Variants in NRXN3 observed in about 807,000 individuals in gnomAD.
NRXN3 encodes the protein neurexin 3.
Under a neutral mutation model 137.6 loss-of-function variants are expected in NRXN3, and 32 were observed. The observed-to-expected ratio is 0.23, with a 90% CI of 0.18 to 0.31. NRXN3 has a LOEUF of 0.31. Among genes scored for constraint, NRXN3 ranks in the 10% least tolerant of loss-of-function variants. The probability of loss-of-function intolerance (pLI) is 1.00; values close to 1 mark genes in which losing one functional copy is unlikely to be tolerated. For missense variants in NRXN3, 1,574 were observed against 2,062.5 expected (o/e 0.76, Z 4.59); for synonymous variants, 798 against 784.5 (o/e 1.02, Z -0.29).
chr14:78,880,992 C>CTGTTCTCA (rs1226881775), intron 10 of NRXN3, among the ~76,000 whole-genome samples: 1 of 152,152 alleles, frequency 6.6e-6, no homozygotes, highest in African/African-American at 2.4e-5. Context: ...TACCCTTATG[C>CTGTTCTCA]TGTTCTCATG....
chr14:79,142,203 C>G lies in NRXN3; in HGVS notation c.3262+154062C>G, dbSNP rs556877105. Among the ~76,000 whole-genome samples, 57 of 152,084 alleles carry G rather than the reference C, an allele frequency of 3.7e-4. No individual in the cohort carries two copies. The East Asian group carries it at 0.011, about 29-fold the overall frequency. ...CAACACTTTAGGAAGCCGAGGTGGA[C>G]GGGTCACAAAGTCGGGATACAAGAC... On this transcript the variant is annotated intron_variant, in intron 15 of 20. Transcript: ENST00000335750.
intron 15 of NRXN3, among the ~76,000 whole-genome samples, chr14:79,290,930 C>A (rs1338998238): frequency 2.0e-5 from 3 of 152,108 alleles, no homozygotes; most frequent in Non-Finnish European, 4.4e-5. Context: ...CTCTTTGGGT[C>A]CATTCTAGCC....
chr14:78,221,127 G>A (rs1242220624), intron 1 of NRXN3, among the ~76,000 whole-genome samples: 1 of 152,140 alleles, frequency 6.6e-6, no homozygotes, highest in African/African-American at 2.4e-5. Flanking sequence ...AACTGGTGGG[G>A]TGGTGGAAGT....
At chr14:79,817,302 C>T (rs1327208763) in intron 20 of NRXN3, among the ~76,000 whole-genome samples, 2 of 152,292 alleles carry the variant, frequency 1.3e-5, no homozygotes, top group Admixed American at 6.5e-5. Flanking sequence ...ATCTGCCTGC[C>T]TTGGCCTCCC....
chr14:78,459,925 C>T (rs1391847795), intron 4 of NRXN3, among the ~76,000 whole-genome samples: 5 of 152,162 alleles, frequency 3.3e-5, no homozygotes, highest in South Asian at 2.1e-4. Context: ...TCCCACAAGA[C>T]GGTCCTCCAC....
intron 4 of NRXN3, among the ~76,000 whole-genome samples, chr14:78,426,861 G>A (rs1045045559): frequency 6.6e-6 from 1 of 152,082 alleles, no homozygotes; most frequent in African/African-American, 2.4e-5. Flanking sequence ...CCCCATCACA[G>A]ACCATGGGAA....
intron 19 of NRXN3, chr14:79,791,226 AAGG>A (rs1430841787): frequency 2.0e-5 from 3 of 152,014 alleles, no homozygotes; most frequent in East Asian, 1.9e-4. Flanking sequence ...ATGAGTGCCA[AAGG>A]AGGAGACCAA....
intron 15 of NRXN3, among the ~76,000 whole-genome samples, chr14:78,994,806 G>T (rs77645171): frequency 0.028 from 4,193 of 152,202 alleles, 82 homozygotes; most frequent in Non-Finnish European, 0.041. Flanking sequence ...AGTTTTTATT[G>T]TAGCTAATTA....
Position 79,863,073 on chromosome 14 carries a change from G to A in NRXN3, c.*1109G>A, listed in dbSNP as rs529195585. The stretch of plus-strand genomic sequence containing the variant: ...ACCAGACAGTAGGGGAGTTCAACTC[G>A]TGATGGAACCACAAAAGGTCACACA... On this transcript the variant is annotated 3_prime_UTR_variant, in exon 21 of 21. Transcript: ENST00000335750. 1 of 152,646 alleles carries A rather than the reference G, an allele frequency of 6.6e-6. No homozygotes were observed. Among genetic ancestry groups the A allele is most frequent in the Non-Finnish European group, 1.5e-5 (1 of 68,016 alleles). 9.5% of individuals were successfully genotyped at this position (152,646 alleles called of 1,614,324 possible).
chr14:79,614,832 G>T (rs934368867), intron 16 of NRXN3, among the ~76,000 whole-genome samples: 1 of 152,168 alleles, frequency 6.6e-6, no homozygotes, highest in Admixed American at 6.5e-5. Context: ...CTATCAGACT[G>T]GTCTTGGATA....
intron 15 of NRXN3, among the ~76,000 whole-genome samples, chr14:78,989,416 G>A (rs961356393): frequency 3.3e-5 from 5 of 152,088 alleles, no homozygotes; most frequent in African/African-American, 1.2e-4. Flanking sequence ...GGTACACTGA[G>A]GAGAAACAAG....
At chr14:79,564,169 TAAA>T (rs58359034) in intron 16 of NRXN3, among the ~76,000 whole-genome samples, 1 of 143,858 alleles carries the variant, frequency 7.0e-6, no homozygotes, top group East Asian at 2.0e-4. Flanking sequence ...TCAAAAAGAT[TAAA>T]AAAAAAAAAA....
chr14:79,150,057 G>A (rs998938598), intron 15 of NRXN3, among the ~76,000 whole-genome samples: 1 of 151,944 alleles, frequency 6.6e-6, no homozygotes, highest in South Asian at 2.1e-4. Flanking sequence ...AAGCAAAAGT[G>A]TTCTCACACA....
intron 10 of NRXN3, among the ~76,000 whole-genome samples, chr14:78,839,664 A>G (rs1430526259): frequency 6.6e-6 from 1 of 152,120 alleles, no homozygotes; most frequent in Non-Finnish European, 1.5e-5. Flanking sequence ...ACTCAATCAC[A>G]TGTTCACCAC....
At chr14:78,278,541 G>T in intron 2 of NRXN3, 104 bp from the exon 3 acceptor site, 1 of 884,114 alleles carries the variant, frequency 1.1e-6, no homozygotes, top group South Asian at 1.4e-5. Context: ...AGTCATGCAA[G>T]AGCACATTGC....
At chr14:78,831,559 A>AAAAC (rs2098982391) in intron 10 of NRXN3, among the ~76,000 whole-genome samples, 1 of 149,220 alleles carries the variant, frequency 6.7e-6, no homozygotes, top group African/African-American at 2.5e-5. Context: ...AAAAAAAAAA[A>AAAAC]AACAACAACA....
intron 4 of NRXN3, among the ~76,000 whole-genome samples, chr14:78,542,410 C>A (rs1376438753): frequency 6.6e-6 from 1 of 152,244 alleles, no homozygotes; most frequent in Non-Finnish European, 1.5e-5. Flanking sequence ...TGCCCCTCCC[C>A]CAGCCAGGCT....
chr14:79,194,189 A>G (rs943187460), intron 15 of NRXN3, among the ~76,000 whole-genome samples: 1 of 152,210 alleles, frequency 6.6e-6, no homozygotes, highest in Non-Finnish European at 1.5e-5. Flanking sequence ...CCCTGATATT[A>G]CATTTTCCCA....
chr14:78,891,858 G>T (rs1399102324), intron 10 of NRXN3, among the ~76,000 whole-genome samples: 1 of 151,962 alleles, frequency 6.6e-6, no homozygotes, highest in Non-Finnish European at 1.5e-5. Context: ...AAACATACAT[G>T]AAGCAATAGG....
Sources: gnomAD v4.1 joint callset for allele counts (sites outside exome capture counted in the v4.1 genomes callset) on GRCh38, gnomAD v4.1.1 for gene constraint, MANE v1.5 for transcripts, NCBI Gene and HGNC (gene_info 2026-07-23, HGNC 2026-07-21) for gene names.